The following COL23A1 variants were observed in gnomAD, a reference collection of about 807,000 sequenced individuals.
COL23A1 encodes the protein collagen type XXIII alpha 1 chain, also known as collagen alpha-1(XXIII) chain.
In COL23A1, 97 loss-of-function variants were observed where a neutral mutation model predicts 99.3. The ratio of observed to expected loss-of-function variants is 0.98; its 90% CI spans 0.83 to 1.16. COL23A1 has a LOEUF of 1.16. Ranked by LOEUF, COL23A1 falls within the 50% of genes most tolerant of loss-of-function variation. COL23A1 has a pLI of 0.00. For synonymous variants in COL23A1, 320 were observed against 308.2 expected, an observed-to-expected ratio of 1.04 and a Z score of -0.40; for missense variants, 762 against 757.4, an observed-to-expected ratio of 1.01 and a Z score of -0.07.
intron 2 of COL23A1, among the ~76,000 whole-genome samples, chr5:178,460,963 C>T (rs992513971): frequency 5.3e-5 from 8 of 151,972 alleles, no homozygotes; most frequent in East Asian, 3.9e-4. Context: ...TTTTTTTAAA[C>T]GTAAAGAAAT....
chr5:178,364,142 G>A (rs114477164), intron 2 of COL23A1, among the ~76,000 whole-genome samples: 3,706 of 152,264 alleles, frequency 0.024, 138 homozygotes, highest in African/African-American at 0.083. Flanking sequence ...ATTTAAAGCC[G>A]CGTGTGCTTT....
intron 18 of COL23A1, 116 bp downstream of exon 18, chr5:178,249,945 C>G (rs75614562): frequency 1.5e-6 from 2 of 1,364,090 alleles, no homozygotes; most frequent in African/African-American, 1.4e-5. Flanking sequence ...TTGATTTTCT[C>G]ACACATGGTG....
At chr5:178,516,427 T>C (rs1355756898) in intron 2 of COL23A1, among the ~76,000 whole-genome samples, 8 of 152,150 alleles carry the variant, frequency 5.3e-5, no homozygotes, top group Non-Finnish European at 1.5e-5. Flanking sequence ...TGGTTTTAAG[T>C]TCACCTCTCC....
intron 4 of COL23A1, among the ~76,000 whole-genome samples, chr5:178,289,038 G>T (rs765476024): frequency 6.6e-6 from 1 of 151,962 alleles, no homozygotes; most frequent in Non-Finnish European, 1.5e-5. Context: ...GTTCACACAC[G>T]CTAGCCTCCC....
rs151192217 is a variant in COL23A1, at chr5:178,366,654, C to T, written c.362-59735G>A. Among the ~76,000 whole-genome samples the T allele has an allele frequency of 1.4e-3, 217 of 152,318 alleles. 4 individuals are homozygous for T. In the South Asian group the frequency reaches 0.032, roughly 22 times the overall value. On this transcript the variant is annotated intron_variant, in intron 2 of 28. Coordinates refer to ENST00000390654, the MANE Select transcript of COL23A1 (RefSeq NM_173465.4). This position sits in a 1 kb window ranked among gnomAD's most constrained non-coding sequence, Gnocchi z 4.4. ...GAGCCCCCAACCCACTCTCCAGCTA[C>T]CCCTAGAACCAAAACAGCATCCTGC...
chr5:178,294,968 C>G (rs551796968), intron 3 of COL23A1, among the ~76,000 whole-genome samples: 29 of 152,238 alleles, frequency 1.9e-4, no homozygotes, highest in Middle Eastern at 3.4e-3. Flanking sequence ...ATGGTGAAAC[C>G]CTGTCTTTAT....
intron 2 of COL23A1, among the ~76,000 whole-genome samples, chr5:178,361,168 A>T (rs1207753424): frequency 2.0e-5 from 3 of 152,250 alleles, no homozygotes; most frequent in Non-Finnish European, 4.4e-5. Context: ...AATATATTTT[A>T]AAATGAAACC....
chr5:178,404,030 G>A (rs1003520060), intron 2 of COL23A1, among the ~76,000 whole-genome samples: 2 of 152,198 alleles, frequency 1.3e-5, no homozygotes, highest in African/African-American at 2.4e-5. Context: ...AGAGAGGCAA[G>A]GAAGACAGGC....
At chr5:178,423,363 C>T (rs1765737795) in intron 2 of COL23A1, among the ~76,000 whole-genome samples, 1 of 152,130 alleles carries the variant, frequency 6.6e-6, no homozygotes, top group African/African-American at 2.4e-5. Flanking sequence ...AGCAGGAGGA[C>T]CCGCAGCTCC....
chr5:178,357,994 G>C (rs62644426), intron 2 of COL23A1, among the ~76,000 whole-genome samples: 1 of 148,694 alleles, frequency 6.7e-6, no homozygotes, highest in African/African-American at 2.6e-5. Flanking sequence ...GTGTATGCGT[G>C]TGTGTATATG....
chr5:178,480,093 T>C (rs1325010151), intron 2 of COL23A1, among the ~76,000 whole-genome samples: 1 of 151,660 alleles, frequency 6.6e-6, no homozygotes, highest in Non-Finnish European at 1.5e-5. Flanking sequence ...AGGTCATATA[T>C]GTGGCCCACT....
chr5:178,581,025 C>T (rs757358990), intron 1 of COL23A1, among the ~76,000 whole-genome samples: 3 of 152,058 alleles, frequency 2.0e-5, no homozygotes, highest in Non-Finnish European at 4.4e-5. Flanking sequence ...AATAAAGTTT[C>T]CACACCAAAC....
At chr5:178,257,456 TCAC>T (rs1765369070) in intron 13 of COL23A1, 64 bp downstream of exon 13, 6 of 1,529,896 alleles carry the variant, frequency 3.9e-6, no homozygotes, top group Middle Eastern at 1.7e-4. Context: ...GGTAGGGACT[TCAC>T]CAGGTAGATG....
At chr5:178,398,307 A>C (rs967290949) in intron 2 of COL23A1, among the ~76,000 whole-genome samples, 1 of 152,214 alleles carries the variant, frequency 6.6e-6, no homozygotes, top group East Asian at 1.9e-4. Context: ...AACTCCAAAG[A>C]GAAAAAATTA....
intron 2 of COL23A1, among the ~76,000 whole-genome samples, chr5:178,470,132 G>C (rs539303689): frequency 6.6e-6 from 1 of 152,354 alleles, no homozygotes; most frequent in East Asian, 1.9e-4. Flanking sequence ...TAACAGAGCA[G>C]CTGGCGGGCT....
At chr5:178,510,312 C>T (rs925128079) in intron 2 of COL23A1, among the ~76,000 whole-genome samples, 9 of 152,152 alleles carry the variant, frequency 5.9e-5, no homozygotes, top group African/African-American at 1.4e-4. Flanking sequence ...GAGGCCGAGG[C>T]GGGCGGATCA....
intron 2 of COL23A1, among the ~76,000 whole-genome samples, chr5:178,342,104 T>C (rs1395568728): frequency 1.3e-5 from 2 of 152,192 alleles, no homozygotes. Context: ...TGCCCAGCTC[T>C]GAGCCAGGAA....
chr5:178,283,178 G>A (rs960685354), intron 5 of COL23A1, among the ~76,000 whole-genome samples: 2 of 152,074 alleles, frequency 1.3e-5, no homozygotes, highest in African/African-American at 2.4e-5. Flanking sequence ...GAGCCACCGC[G>A]CCCGGCCGGG....
intron 2 of COL23A1, among the ~76,000 whole-genome samples, chr5:178,315,822 T>C (rs1203427640): frequency 6.8e-6 from 1 of 148,028 alleles, no homozygotes; most frequent in Admixed American, 6.9e-5. Context: ...CATGGTATCC[T>C]CCAGAGAAAA....
Sources: allele counts gnomAD v4.1 joint callset (sites outside exome capture counted in the v4.1 genomes callset), GRCh38; gene constraint gnomAD v4.1.1; non-coding constraint Gnocchi (gnomAD v3.1); transcripts MANE v1.5; gene names NCBI Gene and HGNC (gene_info 2026-07-23, HGNC 2026-07-21).